ANKRD36C: variants seen among roughly 807,000 people sequenced by gnomAD.
The protein encoded by ANKRD36C is ankyrin repeat domain-containing protein 36C.
ANKRD36C carries 61 observed loss-of-function variants against 276.4 expected under a neutral mutation model. That is an observed-to-expected ratio of 0.22 (90% CI 0.18 to 0.27). ANKRD36C has a LOEUF of 0.27. Among genes scored for constraint, ANKRD36C ranks in the 10% least tolerant of loss-of-function variants. The pLI, the probability that ANKRD36C is intolerant of heterozygous loss-of-function variation, is 1.00. For missense variants in ANKRD36C, 1,447 were observed against 2,032.3 expected (o/e 0.71, Z 5.54); for synonymous variants, 483 against 680.1 (o/e 0.71, Z 4.51).
Position 95,928,995 on chromosome 2 carries a change from C to G in ANKRD36C, c.1837+77G>C. 3.1e-6 allele frequency: 5 copies of G among 1,589,668 alleles called. No individual in the cohort carries two copies. The South Asian group carries it at 5.5e-5, about 18-fold the overall frequency. The stretch of plus-strand genomic sequence containing the variant: ...AGAACATGCAGCTTAGACGAACTCC[C>G]CACTGATTTATTTGGGGAAGGGAAG... On this transcript the variant is annotated intron_variant, in intron 26 of 66. Transcript: ENST00000456556.
intron 54 of ANKRD36C, among the ~76,000 whole-genome samples, chr2:95,883,289 T>C (rs1676129112): frequency 6.6e-6 from 1 of 152,138 alleles, no homozygotes; most frequent in African/African-American, 2.4e-5. Flanking sequence ...TACTCCAATA[T>C]TCATTGAAAA....
At chr2:95,876,338 T>C in intron 59 of ANKRD36C, 101 bp downstream of exon 79, 1 of 918,786 alleles carries the variant, frequency 1.1e-6, no homozygotes, top group Non-Finnish European at 1.7e-6. Context: ...CAACTGATAC[T>C]AAAAGGCTAA....
intron 46 of ANKRD36C, among the ~76,000 whole-genome samples, 197 bp downstream of exon 66, chr2:95,891,468 G>A (rs1676354897): frequency 6.6e-6 from 1 of 151,422 alleles, no homozygotes; most frequent in Non-Finnish European, 1.5e-5. Context: ...ATGGGGGGAA[G>A]TGTATACTCT....
At chr2:95,898,210 C>T (rs954201483) in intron 44 of ANKRD36C, among the ~76,000 whole-genome samples, 2 of 149,334 alleles carry the variant, frequency 1.3e-5, no homozygotes, top group Non-Finnish European at 3.0e-5. Flanking sequence ...CTGCTGCAAG[C>T]ATTAGATATT....
rs1232644379 is a variant in ANKRD36C, at chr2:95,851,805, A to T, written c.5220-18T>A. Reference sequence around the variant, plus strand: ...CTTCAAGCCTAAAATGTGCATTTTAAAATAATTACTCTCACACATAATTGT... The same window carrying T: ...CTTCAAGCCTAAAATGTGCATTTTATAATAATTACTCTCACACATAATTGT... On this transcript the variant is annotated intron_variant, in intron 65 of 66. Coordinates refer to ENST00000456556, the Ensembl canonical transcript of ANKRD36C. 1 of 1,521,492 alleles carries T rather than the reference A, an allele frequency of 6.6e-7. No individual in the cohort carries two copies. Among genetic ancestry groups the T allele is most frequent in the African/African-American group, 1.4e-5 (1 of 72,094 alleles). The allele number at this position is 1,521,492 out of a possible 1,614,324, so 94.2% of individuals were successfully genotyped here.
At position 95,857,295 on chromosome 2, in the gene ANKRD36C, A is replaced by C; in HGVS notation, c.4080+14T>G. On this transcript the variant is annotated intron_variant, in intron 62 of 66. Coordinates refer to ENST00000456556, the Ensembl canonical transcript of ANKRD36C. ...AAGAGTAGAAATATGAAGTTTTACC[A>C]AACATTAATTTACCTGATTTGAATT... is the stretch of plus-strand genomic sequence containing the variant. 4 of 1,581,954 alleles carry C rather than the reference A, an allele frequency of 2.5e-6. No individual in the cohort carries two copies. The highest frequency in any genetic ancestry group is 2.6e-6 in the Non-Finnish European group (3 of 1,167,222).
At chr2:95,860,652 AAGAC>A (rs1367684390) in intron 60 of ANKRD36C, among the ~76,000 whole-genome samples, 5 of 152,210 alleles carry the variant, frequency 3.3e-5, no homozygotes, top group Non-Finnish European at 7.3e-5. Flanking sequence ...TGATCACTGA[AAGAC>A]AGAAAACAAA....
At chr2:95,869,834 T>C (rs1675762674) in intron 59 of ANKRD36C, among the ~76,000 whole-genome samples, 1 of 152,212 alleles carries the variant, frequency 6.6e-6, no homozygotes, top group Non-Finnish European at 1.5e-5. Flanking sequence ...CCGATGGGCT[T>C]AAAAAACGGC....
At chr2:95,985,867 C>T (rs1363993106) in intron 3 of ANKRD36C, among the ~76,000 whole-genome samples, 3 of 151,990 alleles carry the variant, frequency 2.0e-5, no homozygotes, top group Non-Finnish European at 4.4e-5. Context: ...TTATAAGCTC[C>T]GTATCTCCCA....
chr2:95,919,462 A>T lies in ANKRD36C; in HGVS notation c.2246-1420T>A, dbSNP rs543799055. 1.5e-5 allele frequency among the ~76,000 whole-genome samples: 2 copies of T among 133,698 alleles called. 1 individual carries two copies. The highest frequency in any genetic ancestry group is 5.1e-5 in the African/African-American group (2 of 39,344). 87.7% of individuals were successfully genotyped at this position (133,698 alleles called of 152,430 possible). On this transcript the variant is annotated intron_variant, in intron 34 of 66. Coordinates refer to ENST00000456556, the Ensembl canonical transcript of ANKRD36C. ...TTAATGCAAAACTATGCTGTTCCCC[A>T]GAACCCCTTATGTCTTGAACTGCTC...
At chr2:95,951,490 A>G (rs1368041330) in intron 14 of ANKRD36C, 82 bp from the exon 15 acceptor site, 1 of 957,464 alleles carries the variant, frequency 1.0e-6, no homozygotes, top group South Asian at 1.5e-5. Context: ...TACGTGATCT[A>G]ACAGGAAAAG....
chr2:95,892,040 A>G (rs1352066086), intron 44 of ANKRD36C, among the ~76,000 whole-genome samples, 180 bp from the exon 65 acceptor site: 1 of 151,600 alleles, frequency 6.6e-6, no homozygotes, highest in Non-Finnish European at 1.5e-5. Context: ...AAGGGAATAC[A>G]GGCTCCATGA....
intron 6 of ANKRD36C, among the ~76,000 whole-genome samples, chr2:95,963,831 A>G (rs1249656711): frequency 8.1e-5 from 10 of 123,042 alleles, no homozygotes; most frequent in Non-Finnish European, 1.3e-4. Context: ...AAAAACATAC[A>G]TGTCAAAGAA....
rs184444006 is a variant in ANKRD36C at position 95,961,414 on chromosome 2, C to T, written c.902-747G>A. 4.1e-3 allele frequency among the ~76,000 whole-genome samples: 618 copies of T among 151,628 alleles called. 8 individuals carry two copies. Among genetic ancestry groups the T allele is most frequent in the Admixed American group, 0.023 (355 of 15,180 alleles). On this transcript the variant is annotated intron_variant, in intron 8 of 66. Transcript: ENST00000456556. ...ACTTATACAAAATAAAGTTACTGTACGCATTAGATATGAATAAGCTTTTCC... is the reference window on the plus strand; with the variant it reads ...ACTTATACAAAATAAAGTTACTGTATGCATTAGATATGAATAAGCTTTTCC...
chr2:95,876,299 G>A, intron 59 of ANKRD36C, 140 bp downstream of exon 79: 1 of 725,534 alleles, frequency 1.4e-6, no homozygotes, highest in Non-Finnish European at 2.3e-6. Flanking sequence ...CTAGTTAAAT[G>A]TTTTTAAAAT....
At chr2:95,873,325 A>T (rs1211094918) in intron 59 of ANKRD36C, among the ~76,000 whole-genome samples, 2 of 152,256 alleles carry the variant, frequency 1.3e-5, no homozygotes, top group Admixed American at 1.3e-4. Flanking sequence ...CACCATGATC[A>T]AGTGGGCTTC....
chr2:95,983,246 G>A (rs1338478898), intron 3 of ANKRD36C, among the ~76,000 whole-genome samples: 1 of 151,738 alleles, frequency 6.6e-6, no homozygotes, highest in East Asian at 2.0e-4. Flanking sequence ...GATAGGCTTC[G>A]AGTAAACTTT....
At chr2:95,890,889 C>T (rs990161760) in intron 46 of ANKRD36C, among the ~76,000 whole-genome samples, 9 of 151,422 alleles carry the variant, frequency 5.9e-5, no homozygotes, top group African/African-American at 1.7e-4. Flanking sequence ...CATGAAATAG[C>T]TATTTCATCC....
intron 6 of ANKRD36C, among the ~76,000 whole-genome samples, chr2:95,969,586 T>C (rs928846196): frequency 6.6e-6 from 1 of 152,184 alleles, no homozygotes; most frequent in African/African-American, 2.4e-5. Context: ...ACATAATCTG[T>C]ACCTAACATC....
Sources: allele counts gnomAD v4.1 joint callset (sites outside exome capture counted in the v4.1 genomes callset), GRCh38; gene constraint gnomAD v4.1.1; transcripts MANE v1.5; gene names NCBI Gene and HGNC (gene_info 2026-07-23, HGNC 2026-07-21).